The following SUSD1 variants were observed in gnomAD, a reference collection of about 807,000 sequenced individuals.
The protein encoded by SUSD1 is sushi domain containing 1, also known as sushi domain-containing protein 1.
In SUSD1, 65 loss-of-function variants were observed where a neutral mutation model predicts 86.9. That is an observed-to-expected ratio of 0.75 (90% CI 0.61 to 0.92). SUSD1 has a LOEUF of 0.92. Ranked by LOEUF, SUSD1 falls within the 40% of genes least tolerant of loss-of-function variation. The probability of loss-of-function intolerance (pLI) is 0.00; values close to 1 mark genes in which losing one functional copy is unlikely to be tolerated. For missense variants in SUSD1, 850 were observed against 929.7 expected, an observed-to-expected ratio of 0.91 and a Z score of 1.11; for synonymous variants, 346 against 350.0, an observed-to-expected ratio of 0.99 and a Z score of 0.13.
At chr9:112,133,105 C>T (rs1227897029) in intron 5 of SUSD1, among the ~76,000 whole-genome samples, 1 of 152,168 alleles carries the variant, frequency 6.6e-6, no homozygotes, top group East Asian at 1.9e-4. Flanking sequence ...TGTTAAGACA[C>T]TGTTTCTACA....
At chr9:112,117,827 G>A (rs1287795205) in intron 6 of SUSD1, among the ~76,000 whole-genome samples, 1 of 152,194 alleles carries the variant, frequency 6.6e-6, no homozygotes, top group Non-Finnish European at 1.5e-5. Flanking sequence ...AATGCTAAAT[G>A]TTGTGGAAAG....
At chr9:112,085,255 A>G (rs946885628) in intron 10 of SUSD1, among the ~76,000 whole-genome samples, 2 of 152,226 alleles carry the variant, frequency 1.3e-5, no homozygotes, top group African/African-American at 4.8e-5. Context: ...CACCTAGGAG[A>G]GAAGTTATGG....
intron 10 of SUSD1, among the ~76,000 whole-genome samples, chr9:112,086,490 C>T (rs1829981041): frequency 6.8e-6 from 1 of 147,494 alleles, no homozygotes; most frequent in Non-Finnish European, 1.5e-5. Flanking sequence ...AGAGAAACTC[C>T]ACTCTAACTA....
intron 3 of SUSD1, among the ~76,000 whole-genome samples, chr9:112,148,303 G>A (rs950965032): frequency 3.3e-5 from 5 of 152,070 alleles, no homozygotes; most frequent in African/African-American, 1.2e-4. Flanking sequence ...GATAACAGAG[G>A]AGCCGCTAAA....
chr9:112,107,320 A>C (rs1184038683), intron 8 of SUSD1, among the ~76,000 whole-genome samples: 2 of 151,722 alleles, frequency 1.3e-5, no homozygotes, highest in African/African-American at 2.4e-5. Context: ...GTGGTGGCTC[A>C]CACCTGTAGT....
intron 1 of SUSD1, among the ~76,000 whole-genome samples, chr9:112,172,255 C>T (rs1834077800): frequency 6.6e-6 from 1 of 151,992 alleles, no homozygotes. Flanking sequence ...CAACCTAGAG[C>T]CCTCACATCT....
At chr9:112,054,908 C>T (rs1376775920) in intron 14 of SUSD1, among the ~76,000 whole-genome samples, 5 of 152,006 alleles carry the variant, frequency 3.3e-5, no homozygotes, top group Non-Finnish European at 7.4e-5. Context: ...ACAGAATGGG[C>T]GAAAATATTT....
At chr9:112,141,743 TTAC>T (rs1832577921) in intron 5 of SUSD1, among the ~76,000 whole-genome samples, 1 of 128,148 alleles carries the variant, frequency 7.8e-6, no homozygotes, top group African/African-American at 3.5e-5. Flanking sequence ...ATAATATATA[TTAC>T]ATGTAATATA....
intron 12 of SUSD1, among the ~76,000 whole-genome samples, chr9:112,077,499 C>CT (rs869259276): frequency 0.022 from 1,472 of 66,406 alleles, 425 homozygotes; most frequent in Non-Finnish European, 0.025. Flanking sequence ...TAGTAATCTA[C>CT]TTTTTTTTTT....
chr9:112,044,895 T>C (rs1827889504), intron 15 of SUSD1, among the ~76,000 whole-genome samples: 1 of 152,158 alleles, frequency 6.6e-6, no homozygotes, highest in African/African-American at 2.4e-5. Context: ...TCTAGAATAA[T>C]GGGCAAGAAG....
At chr9:112,048,933 G>A (rs1210287006) in intron 15 of SUSD1, among the ~76,000 whole-genome samples, 1 of 152,218 alleles carries the variant, frequency 6.6e-6, no homozygotes, top group East Asian at 1.9e-4. Flanking sequence ...AATAAAAGAT[G>A]TAATTAGAAG....
chr9:112,078,864 A>T, intron 11 of SUSD1, 140 bp from the exon 12 acceptor site: 1 of 662,154 alleles, frequency 1.5e-6, no homozygotes, highest in Non-Finnish European at 2.4e-6. Flanking sequence ...CCCATGCTGG[A>T]GTGCAGTGGC....
intron 12 of SUSD1, among the ~76,000 whole-genome samples, chr9:112,075,483 T>C (rs1829477539): frequency 6.6e-6 from 1 of 152,064 alleles, no homozygotes; most frequent in African/African-American, 2.4e-5. Context: ...TCTCAGCACT[T>C]TGGGAGGTGA....
intron 12 of SUSD1, among the ~76,000 whole-genome samples, chr9:112,073,991 C>T (rs917237014): frequency 3.9e-5 from 6 of 152,054 alleles, no homozygotes; most frequent in Admixed American, 2.6e-4. Context: ...CCGAAGTGGG[C>T]GGATCACTTA....
intron 14 of SUSD1, among the ~76,000 whole-genome samples, chr9:112,056,890 G>A (rs769753988): frequency 7.2e-5 from 11 of 152,150 alleles, no homozygotes; most frequent in African/African-American, 9.6e-5. Context: ...CTAATAAACC[G>A]GAATTCTTGT....
intron 6 of SUSD1, among the ~76,000 whole-genome samples, chr9:112,120,488 C>A (rs1418463455): frequency 6.6e-6 from 1 of 152,196 alleles, no homozygotes; most frequent in Non-Finnish European, 1.5e-5. Flanking sequence ...CTGCACTGTA[C>A]CATGAATTAA....
intron 14 of SUSD1, among the ~76,000 whole-genome samples, chr9:112,054,825 G>C (rs955817949): frequency 1.3e-5 from 2 of 152,066 alleles, no homozygotes; most frequent in African/African-American, 4.8e-5. Flanking sequence ...AGAAAAAATA[G>C]ACAGACTGAT....
chr9:112,088,451 T>C (rs774407407), intron 10 of SUSD1, among the ~76,000 whole-genome samples: 2 of 152,210 alleles, frequency 1.3e-5, no homozygotes, highest in Non-Finnish European at 2.9e-5. Context: ...AATAGTTGAA[T>C]GTCATAAAGG....
rs1396236883 is a variant in SUSD1 at position 112,175,055 on chromosome 9, G to A, written c.103+78C>T. 1.0e-6 allele frequency: 1 copy of A among 974,242 alleles called. No homozygotes were observed. Among genetic ancestry groups the A allele is most frequent in the Admixed American group, 6.0e-5 (1 of 16,564 alleles). The allele number at this position is 974,242 out of a possible 1,614,324, so 60.3% of individuals were successfully genotyped here. ...GCCGGCCCGGCCCAGGGGCGGGGAA[G>A]CGTCCGTGCGCCCAGAGTCCTCGAG... On this transcript the variant is annotated intron_variant, in intron 1 of 16. Coordinates refer to ENST00000374270, the MANE Select transcript of SUSD1 (RefSeq NM_022486.5). This position sits in a 1 kb window ranked among gnomAD's most constrained non-coding sequence, Gnocchi z 4.7.
Sources: allele counts gnomAD v4.1 joint callset (sites outside exome capture counted in the v4.1 genomes callset), GRCh38; gene constraint gnomAD v4.1.1; non-coding constraint Gnocchi (gnomAD v3.1); transcripts MANE v1.5; gene names NCBI Gene and HGNC (gene_info 2026-07-23, HGNC 2026-07-21).